VWA8: variants seen among roughly 807,000 people sequenced by gnomAD.
VWA8 encodes the protein von Willebrand factor A domain-containing protein 8.
A neutral mutation model predicts 241.5 loss-of-function variants in VWA8; 221 were observed. That is an observed-to-expected ratio of 0.91 (90% CI 0.82 to 1.02). The LOEUF (loss-of-function observed/expected upper bound fraction) is 1.02. Among genes scored for constraint, VWA8 ranks in the 50% least tolerant of loss-of-function variants. The pLI is 0.00. For synonymous variants in VWA8, 852 were observed against 827.1 expected (o/e 1.03, Z -0.52); for missense variants, 2,322 against 2,328.7 (o/e 1.00, Z 0.06).
chr13:41,817,934 A>C (rs1870769413), intron 15 of VWA8, among the ~76,000 whole-genome samples: 1 of 152,092 alleles, frequency 6.6e-6, no homozygotes, highest in Non-Finnish European at 1.5e-5. Flanking sequence ...CCATGTGGAT[A>C]CTGAGTACTT....
At position 41,726,424 on chromosome 13, in the gene VWA8, TAGAGA is replaced by T. The variant is rs1240260754; in HGVS notation, c.2758+765_2758+769del. Among the ~76,000 whole-genome samples the T allele has an allele frequency of 2.6e-5, 4 of 152,120 alleles. No individual in the cohort carries two copies. In the East Asian group the frequency reaches 5.8e-4, roughly 22 times the overall value. ...AGAGTCCAGAATTATATACTTGCTA[TAGAGA>T]AGAGAAGTCCTTCTTAAAGACTTTT... On this transcript the variant is annotated intron_variant, in intron 24 of 44. Coordinates refer to ENST00000379310, the MANE Select transcript of VWA8 (RefSeq NM_015058.2).
chr13:41,778,291 C>G (rs1415047115), intron 19 of VWA8, among the ~76,000 whole-genome samples: 1 of 152,062 alleles, frequency 6.6e-6, no homozygotes, highest in African/African-American at 2.4e-5. Context: ...AACTGACCAA[C>G]ATTTCAGAGT....
At chr13:41,883,019 TAG>T (rs1033375623) in intron 9 of VWA8, among the ~76,000 whole-genome samples, 2 of 152,208 alleles carry the variant, frequency 1.3e-5, no homozygotes, top group African/African-American at 4.8e-5. Flanking sequence ...TCCAATACCT[TAG>T]AGTTTTTTCT....
intron 37 of VWA8, among the ~76,000 whole-genome samples, chr13:41,653,767 G>A (rs2044883834): frequency 6.6e-6 from 1 of 152,096 alleles, no homozygotes; most frequent in South Asian, 2.1e-4. Flanking sequence ...CCCACCTATA[G>A]CCATATGATT....
intron 8 of VWA8, 62 bp from the exon 9 acceptor site, chr13:41,883,553 G>C: frequency 8.0e-7 from 1 of 1,248,684 alleles, no homozygotes; most frequent in Non-Finnish European, 1.2e-6. Context: ...GAAAACATCT[G>C]AAATGTACAT....
chr13:41,699,067 T>C lies in VWA8; in HGVS notation c.3564+4A>G. 1.2e-6 allele frequency: 2 copies of C among 1,613,874 alleles called. No individual in the cohort carries two copies. The highest frequency in any genetic ancestry group is 1.7e-6 in the Non-Finnish European group (2 of 1,179,820). ...TCACATAATTGTAGCCTGGTGTGCATTACCTGCTGCTCATGGAGAACCACT... is the reference window on the plus strand; with the variant it reads ...TCACATAATTGTAGCCTGGTGTGCACTACCTGCTGCTCATGGAGAACCACT... On this transcript the variant is annotated splice_donor_region_variant and intron_variant, in intron 29 of 44. Coordinates refer to ENST00000379310, the MANE Select transcript of VWA8 (RefSeq NM_015058.2).
At chr13:41,828,133 C>T (rs537013995) in intron 14 of VWA8, among the ~76,000 whole-genome samples, 5 of 152,196 alleles carry the variant, frequency 3.3e-5, no homozygotes, top group East Asian at 3.9e-4. Flanking sequence ...ATGTATACCT[C>T]GGAAGTAAAA....
intron 9 of VWA8, among the ~76,000 whole-genome samples, chr13:41,878,566 GT>G (rs1307917265): frequency 6.6e-6 from 1 of 152,026 alleles, no homozygotes; most frequent in Non-Finnish European, 1.5e-5. Flanking sequence ...CCACTTGACA[GT>G]TTACTGAGTT....
chr13:41,865,526 G>C (rs1266342866), intron 12 of VWA8: 1 of 495,686 alleles, frequency 2.0e-6, no homozygotes, highest in South Asian at 2.6e-5. Flanking sequence ...ACAGCCCCTG[G>C]TATGTTGTGC....
chr13:41,669,439 A>T (rs2045007731), intron 37 of VWA8, among the ~76,000 whole-genome samples: 1 of 152,202 alleles, frequency 6.6e-6, no homozygotes, highest in Admixed American at 6.5e-5. Context: ...CAAACATATT[A>T]ATTGCTTATT....
intron 37 of VWA8, among the ~76,000 whole-genome samples, chr13:41,623,864 T>C (rs2044672634): frequency 6.6e-6 from 1 of 152,094 alleles, no homozygotes; most frequent in South Asian, 2.1e-4. Flanking sequence ...TCTGAGGTTA[T>C]TGTACCCATA....
At chr13:41,751,397 C>T (rs1013379914) in intron 21 of VWA8, among the ~76,000 whole-genome samples, 10 of 152,266 alleles carry the variant, frequency 6.6e-5, no homozygotes, top group Admixed American at 2.0e-4. Flanking sequence ...CTGTTCTGTG[C>T]AGCGGCTGAC....
At chr13:41,583,433 G>A (rs558153704) in intron 42 of VWA8, among the ~76,000 whole-genome samples, 1 of 152,242 alleles carries the variant, frequency 6.6e-6, no homozygotes, top group East Asian at 1.9e-4. Flanking sequence ...CATGAGGTCA[G>A]GAGTTTGAGA....
intron 17 of VWA8, among the ~76,000 whole-genome samples, chr13:41,804,617 G>A (rs1453860803): frequency 6.6e-6 from 1 of 152,074 alleles, no homozygotes; most frequent in Admixed American, 6.6e-5. Context: ...GAAAAAGACA[G>A]AATGTCATAA....
intron 13 of VWA8, among the ~76,000 whole-genome samples, chr13:41,832,948 A>C (rs530689733): frequency 8.7e-4 from 131 of 150,908 alleles, no homozygotes; most frequent in Non-Finnish European, 1.7e-3. Flanking sequence ...CTCTCTCTCA[A>C]AAAAAAAAGA....
intron 42 of VWA8, among the ~76,000 whole-genome samples, chr13:41,579,834 T>A (rs2044371360): frequency 6.6e-6 from 1 of 152,050 alleles, no homozygotes; most frequent in Non-Finnish European, 1.5e-5. Context: ...ACTAAATCCA[T>A]TTTGGTTGTT....
At chr13:41,739,758 C>T (rs946294679) in intron 21 of VWA8, among the ~76,000 whole-genome samples, 9 of 151,346 alleles carry the variant, frequency 5.9e-5, no homozygotes, top group Non-Finnish European at 1.3e-4. Context: ...ATATATTCTG[C>T]ATTTTTAGCA....
chr13:41,586,117 C>A (rs537937414), intron 42 of VWA8, among the ~76,000 whole-genome samples: 2 of 151,116 alleles, frequency 1.3e-5, no homozygotes, highest in East Asian at 3.9e-4. Flanking sequence ...CTAGAAAGGA[C>A]CTAAAATATT....
At chr13:41,933,908 T>A (rs542452438) in intron 2 of VWA8, among the ~76,000 whole-genome samples, 13 of 151,992 alleles carry the variant, frequency 8.6e-5, no homozygotes, top group African/African-American at 3.1e-4. Flanking sequence ...TTAACAAAGA[T>A]TTTTTAGGAT....
Sources: gnomAD v4.1 joint callset for allele counts (sites outside exome capture counted in the v4.1 genomes callset) on GRCh38, gnomAD v4.1.1 for gene constraint, MANE v1.5 for transcripts, NCBI Gene and HGNC (gene_info 2026-07-23, HGNC 2026-07-21) for gene names.